The following AGBL4 variants were observed in gnomAD, a reference collection of about 807,000 sequenced individuals.
AGBL4 encodes the protein cytosolic carboxypeptidase 6.
Under a neutral mutation model 66.4 loss-of-function variants are expected in AGBL4, and 58 were observed. That is an observed-to-expected ratio of 0.87 (90% CI 0.71 to 1.09). AGBL4 has a LOEUF of 1.09. AGBL4 is among the 50% of genes least tolerant of loss of function. AGBL4 has a pLI of 0.00. For missense variants in AGBL4, 579 were observed against 631.0 expected (o/e 0.92, Z 0.88); for synonymous variants, 234 against 222.9 (o/e 1.05, Z -0.44).
chr1:48,671,414 T>C (rs1288959109), intron 6 of AGBL4, among the ~76,000 whole-genome samples: 1 of 152,238 alleles, frequency 6.6e-6, no homozygotes, highest in Non-Finnish European at 1.5e-5. Context: ...TTATTCAAAC[T>C]GGCCAGTGGA....
chr1:49,342,940 T>C (rs1645569574), intron 3 of AGBL4, among the ~76,000 whole-genome samples: 1 of 152,218 alleles, frequency 6.6e-6, no homozygotes. Context: ...TTGGTAAAGG[T>C]TAAAAGCCAG....
chr1:49,508,745 C>A (rs1287040932), intron 3 of AGBL4, among the ~76,000 whole-genome samples: 1 of 151,844 alleles, frequency 6.6e-6, no homozygotes, highest in Non-Finnish European at 1.5e-5. Context: ...ATAATCATGA[C>A]CATCTCACAT....
At position 49,207,471 on chromosome 1, in the gene AGBL4, TTTCTTTCTTTTTC is replaced by T. The variant is rs1648256884; in HGVS notation, c.377+38286_377+38298del. 2.7e-5 allele frequency among the ~76,000 whole-genome samples: 4 copies of T among 150,410 alleles called. 1 individual carries two copies. Among genetic ancestry groups the T allele is most frequent in the African/African-American group, 9.8e-5 (4 of 40,868 alleles). On this transcript the variant is annotated intron_variant, in intron 4 of 13. Coordinates refer to ENST00000371839, the MANE Select transcript of AGBL4 (RefSeq NM_032785.4). ...CTTTCTTTCTTTTTCTTTCTTTCTCTTTCTTTCTTTTTCTTTCTTTCTTTTCTTTCTTTCTTTT... is the reference window on the plus strand; with the variant it reads ...CTTTCTTTCTTTTTCTTTCTTTCTCTTTTCTTTCTTTTCTTTCTTTCTTTT...
intron 3 of AGBL4, among the ~76,000 whole-genome samples, chr1:49,563,787 T>G (rs1305498): frequency 6.6e-6 from 1 of 151,674 alleles, no homozygotes; most frequent in African/African-American, 2.4e-5. Context: ...TGTTGTGTCT[T>G]TGCCCGGCTT....
At chr1:49,853,363 T>G (rs1244216343) in intron 1 of AGBL4, among the ~76,000 whole-genome samples, 1 of 152,140 alleles carries the variant, frequency 6.6e-6, no homozygotes, top group Non-Finnish European at 1.5e-5. Flanking sequence ...ATGCCTTTAA[T>G]GCATTCATCA....
chr1:49,087,837 A>G (rs1644935368), intron 4 of AGBL4, among the ~76,000 whole-genome samples: 1 of 152,238 alleles, frequency 6.6e-6, no homozygotes, highest in South Asian at 2.1e-4. Context: ...GCAGCTAGAG[A>G]GAAGGGGCAG....
chr1:49,982,608 A>C (rs1292164812), intron 1 of AGBL4, among the ~76,000 whole-genome samples: 14 of 152,220 alleles, frequency 9.2e-5, no homozygotes. Context: ...GAGGGCCTGA[A>C]GCCTGGGAGC....
chr1:48,730,623 T>C (rs1417833312), intron 6 of AGBL4, among the ~76,000 whole-genome samples: 2 of 152,166 alleles, frequency 1.3e-5, no homozygotes, highest in Non-Finnish European at 2.9e-5. Flanking sequence ...CCCCATAGAA[T>C]TTCAATCATT....
At position 49,084,578 on chromosome 1, in the gene AGBL4, A is replaced by G. The variant is rs1464322905; in HGVS notation, c.378-38778T>C. Among the ~76,000 whole-genome samples the G allele has an allele frequency of 5.3e-5, 8 of 152,270 alleles. No individual in the cohort carries two copies. The South Asian group carries it at 8.3e-4, about 16-fold the overall frequency. ...TGGGAGAAACCACCCCCATGATTCA[A>G]TTAACTCCACCTGGCCCTGCCCTTG... is the stretch of plus-strand genomic sequence containing the variant. On this transcript the variant is annotated intron_variant, in intron 4 of 13. Coordinates refer to ENST00000371839, the MANE Select transcript of AGBL4 (RefSeq NM_032785.4).
chr1:49,842,533 G>A (rs1646023502), intron 2 of AGBL4: 1 of 988,024 alleles, frequency 1.0e-6, no homozygotes, highest in African/African-American at 1.7e-5. Context: ...CAGTCTTAGT[G>A]AAGATTTACC....
At chr1:49,550,774 G>A (rs763684663) in intron 3 of AGBL4, among the ~76,000 whole-genome samples, 1 of 152,078 alleles carries the variant, frequency 6.6e-6, no homozygotes, top group Non-Finnish European at 1.5e-5. Context: ...TGATGACAAT[G>A]TGCCTAGGCG....
chr1:49,014,729 C>A (rs1224602655), intron 5 of AGBL4, among the ~76,000 whole-genome samples: 1 of 152,244 alleles, frequency 6.6e-6, no homozygotes, highest in Admixed American at 6.5e-5. Context: ...TACAGGGAAC[C>A]TCCTTCATTG....
chr1:49,391,078 G>GA (rs1644835450), intron 3 of AGBL4, among the ~76,000 whole-genome samples: 2 of 152,160 alleles, frequency 1.3e-5, no homozygotes, highest in African/African-American at 4.8e-5. Context: ...GGCATTCCTT[G>GA]AAAGGAAATG....
At chr1:49,077,707 C>T (rs1452053379) in intron 4 of AGBL4, among the ~76,000 whole-genome samples, 2 of 152,128 alleles carry the variant, frequency 1.3e-5, no homozygotes. Flanking sequence ...TGTAAATAAA[C>T]ACTAAGTATA....
At chr1:49,333,414 G>A (rs1216029717) in intron 3 of AGBL4, among the ~76,000 whole-genome samples, 5 of 152,158 alleles carry the variant, frequency 3.3e-5, no homozygotes, top group Admixed American at 3.3e-4. Flanking sequence ...GGAGTCGGAG[G>A]TTGTAGTGAG....
intron 4 of AGBL4, among the ~76,000 whole-genome samples, chr1:49,206,868 G>C (rs1177583095): frequency 5.6e-5 from 1 of 17,928 alleles, no homozygotes; most frequent in Non-Finnish European, 2.7e-4. Flanking sequence ...ATGGAGAGGA[G>C]AGGAGAGGAG....
chr1:49,614,995 C>T (rs1452706311), intron 3 of AGBL4, among the ~76,000 whole-genome samples: 2 of 152,052 alleles, frequency 1.3e-5, no homozygotes, highest in African/African-American at 4.8e-5. Context: ...ATCACACTCC[C>T]TTGTTTTTTA....
At chr1:49,718,907 G>A (rs1016382859) in intron 2 of AGBL4, among the ~76,000 whole-genome samples, 2 of 151,940 alleles carry the variant, frequency 1.3e-5, no homozygotes, top group African/African-American at 4.8e-5. Flanking sequence ...TCTGTTTGAT[G>A]CATTTCTTTC....
rs532398303 is a variant in AGBL4 at position 49,256,077 on chromosome 1, C to A, written c.283-10213G>T. Among the ~76,000 whole-genome samples the A allele has an allele frequency of 5.3e-5, 8 of 152,114 alleles. No individual in the cohort carries two copies. In the East Asian group the frequency reaches 1.5e-3, roughly 29 times the overall value. On this transcript the variant is annotated intron_variant, in intron 3 of 13. Coordinates refer to ENST00000371839, the MANE Select transcript of AGBL4 (RefSeq NM_032785.4). ...GGTACTAGGCTTCATATCTGAGTGA[C>A]AAAATAATCTGTGCAGCAAACCCTC... is the stretch of plus-strand genomic sequence containing the variant.
Sources: gnomAD v4.1 joint callset for allele counts (sites outside exome capture counted in the v4.1 genomes callset) on GRCh38, gnomAD v4.1.1 for gene constraint, MANE v1.5 for transcripts, NCBI Gene and HGNC (gene_info 2026-07-23, HGNC 2026-07-21) for gene names.